Variants in GABRB2 observed in about 807,000 individuals in gnomAD.
GABRB2 encodes gamma-aminobutyric acid receptor subunit beta-2.
A neutral mutation model predicts 54.7 loss-of-function variants in GABRB2; 16 were observed. That is an observed-to-expected ratio of 0.29 (90% CI 0.20 to 0.44). GABRB2 has a LOEUF of 0.44. Ranked by LOEUF, GABRB2 falls within the 20% of genes least tolerant of loss-of-function variation. The pLI, the probability that GABRB2 is intolerant of heterozygous loss-of-function variation, is 1.00. For synonymous variants in GABRB2, 244 were observed against 233.8 expected, an observed-to-expected ratio of 1.04 and a Z score of -0.40; for missense variants, 355 against 644.0, an observed-to-expected ratio of 0.55 and a Z score of 4.86.
chr5:161,435,545 C>A (rs987841217), intron 4 of GABRB2, among the ~76,000 whole-genome samples: 20 of 151,640 alleles, frequency 1.3e-4, no homozygotes, highest in Non-Finnish European at 1.8e-4. Context: ...ATTTACATTC[C>A]AAATTTTCTA....
At chr5:161,372,631 A>T (rs925476011) in intron 5 of GABRB2, among the ~76,000 whole-genome samples, 1 of 152,128 alleles carries the variant, frequency 6.6e-6, no homozygotes, top group Non-Finnish European at 1.5e-5. Context: ...TATCAGTATT[A>T]TTTAGATAAT....
chr5:161,542,569 G>A (rs1760854720), intron 3 of GABRB2, among the ~76,000 whole-genome samples: 1 of 152,150 alleles, frequency 6.6e-6, no homozygotes, highest in African/African-American at 2.4e-5. Flanking sequence ...TCACTTCAGG[G>A]TCTTTCTATC....
intron 5 of GABRB2, among the ~76,000 whole-genome samples, chr5:161,403,492 AAATTAGTC>A (rs1756264133): frequency 6.6e-6 from 1 of 152,150 alleles, no homozygotes; most frequent in African/African-American, 2.4e-5. Flanking sequence ...TGATCTGGTC[AAATTAGTC>A]TTTTATTTAC....
At chr5:161,360,988 T>C (rs1245608870) in intron 5 of GABRB2, among the ~76,000 whole-genome samples, 2 of 151,778 alleles carry the variant, frequency 1.3e-5, no homozygotes, top group Admixed American at 1.3e-4. Flanking sequence ...CCATCCTGGG[T>C]AGCACGGTGA....
At chr5:161,528,163 C>T (rs1760340039) in intron 3 of GABRB2, among the ~76,000 whole-genome samples, 1 of 151,658 alleles carries the variant, frequency 6.6e-6, no homozygotes, top group African/African-American at 2.4e-5. Context: ...GTTCACAAAA[C>T]ATTAAGAGCA....
At chr5:161,496,692 CTT>C (rs918753512) in intron 3 of GABRB2, among the ~76,000 whole-genome samples, 17 of 151,972 alleles carry the variant, frequency 1.1e-4, no homozygotes, top group East Asian at 1.9e-4. Flanking sequence ...TAAAACGTAT[CTT>C]AGGTATATTC....
intron 3 of GABRB2, among the ~76,000 whole-genome samples, chr5:161,500,302 C>T (rs1260110791): frequency 1.3e-5 from 2 of 151,968 alleles, no homozygotes; most frequent in African/African-American, 4.8e-5. Flanking sequence ...TTTTTTTCTC[C>T]TTTTTTCATT....
intron 3 of GABRB2, among the ~76,000 whole-genome samples, chr5:161,522,324 A>T (rs1271829985): frequency 1.3e-5 from 2 of 151,768 alleles, no homozygotes; most frequent in African/African-American, 4.8e-5. Context: ...ATTACCATAT[A>T]AAAAATACAG....
At chr5:161,532,915 A>G (rs1760508077) in intron 3 of GABRB2, among the ~76,000 whole-genome samples, 1 of 152,144 alleles carries the variant, frequency 6.6e-6, no homozygotes, top group Non-Finnish European at 1.5e-5. Flanking sequence ...AACACTGTCC[A>G]TATATTTGTG....
At chr5:161,460,168 A>T (rs1450390971) in intron 3 of GABRB2, among the ~76,000 whole-genome samples, 2 of 152,096 alleles carry the variant, frequency 1.3e-5, no homozygotes, top group Non-Finnish European at 2.9e-5. Context: ...CTGGTCTCGA[A>T]CTATTGACCT....
chr5:161,470,051 C>T (rs1250107965), intron 3 of GABRB2, among the ~76,000 whole-genome samples: 1 of 149,840 alleles, frequency 6.7e-6, no homozygotes, highest in Non-Finnish European at 1.5e-5. Flanking sequence ...TCTCTTGATA[C>T]ATCTTTTCTT....
intron 3 of GABRB2, among the ~76,000 whole-genome samples, chr5:161,465,770 G>A (rs1301780622): frequency 6.6e-6 from 1 of 151,978 alleles, no homozygotes; most frequent in African/African-American, 2.4e-5. Flanking sequence ...TACATCATAT[G>A]TTATTGTCTT....
intron 9 of GABRB2, among the ~76,000 whole-genome samples, chr5:161,299,923 A>G (rs922795915): frequency 5.9e-5 from 9 of 152,210 alleles, no homozygotes; most frequent in African/African-American, 2.2e-4. Context: ...ATCTATTACA[A>G]TAATACCATC....
At chr5:161,413,582 G>T (rs1432874745) in intron 4 of GABRB2, among the ~76,000 whole-genome samples, 1 of 152,056 alleles carries the variant, frequency 6.6e-6, no homozygotes. Flanking sequence ...GGTTTTACAT[G>T]TACATTCTGA....
At chr5:161,381,982 T>C (rs1755483661) in intron 5 of GABRB2, among the ~76,000 whole-genome samples, 1 of 152,216 alleles carries the variant, frequency 6.6e-6, no homozygotes, top group Admixed American at 6.5e-5. Flanking sequence ...AGTTACATTA[T>C]CTGGTTGCAT....
At chr5:161,423,410 C>T (rs1030017229) in intron 4 of GABRB2, among the ~76,000 whole-genome samples, 1 of 152,056 alleles carries the variant, frequency 6.6e-6, no homozygotes, top group African/African-American at 2.4e-5. Context: ...TCTATTTGTT[C>T]CCATTTTCTT....
intron 5 of GABRB2, among the ~76,000 whole-genome samples, chr5:161,353,142 T>C (rs1754521821): frequency 6.6e-6 from 1 of 152,114 alleles, no homozygotes; most frequent in Non-Finnish European, 1.5e-5. Context: ...TAATTTTAGA[T>C]AGTTTAACAA....
intron 4 of GABRB2, among the ~76,000 whole-genome samples, chr5:161,453,840 C>A (rs1397423304): frequency 6.6e-6 from 1 of 151,876 alleles, no homozygotes; most frequent in Non-Finnish European, 1.5e-5. Context: ...AGTTGAAGAC[C>A]AGCCTGGCCA....
Position 161,289,107 on chromosome 5 carries a change from T to C in GABRB2, c.*4974A>G, listed in dbSNP as rs1400762194. The stretch of plus-strand genomic sequence containing the variant: ...GTTTTGTTTTTCATCATTTGAATCA[T>C]ATTGATCTTCATCACAAATAAAACT... On this transcript the variant is annotated 3_prime_UTR_variant, in exon 10 of 10. Coordinates refer to ENST00000393959, the MANE Select transcript of GABRB2 (RefSeq NM_001371727.1). The C allele has an allele frequency of 6.6e-6, 1 of 152,064 alleles. No homozygotes were observed. Among genetic ancestry groups the C allele is most frequent in the African/African-American group, 2.4e-5 (1 of 41,338 alleles). The allele number at this position is 152,064 out of a possible 1,614,324, so 9.4% of individuals were successfully genotyped here. A position where few individuals can be genotyped will look rare whatever the true frequency, so the allele number is the denominator to read the frequency against.
Sources: allele counts gnomAD v4.1 joint callset (sites outside exome capture counted in the v4.1 genomes callset), GRCh38; gene constraint gnomAD v4.1.1; transcripts MANE v1.5; gene names NCBI Gene and HGNC (gene_info 2026-07-23, HGNC 2026-07-21).